Variants in SYNPO observed in about 807,000 individuals in gnomAD.
SYNPO encodes the protein synaptopodin.
SYNPO carries 19 observed loss-of-function variants against 49.5 expected under a neutral mutation model. The observed-to-expected ratio is 0.38, with a 90% CI of 0.27 to 0.56. The LOEUF (loss-of-function observed/expected upper bound fraction) is 0.56. Among genes scored for constraint, SYNPO ranks in the 20% least tolerant of loss-of-function variants. The probability of loss-of-function intolerance (pLI) is 0.68; values close to 1 mark genes in which losing one functional copy is unlikely to be tolerated. For missense variants in SYNPO, 1,131 were observed against 1,248.3 expected (o/e 0.91, Z 1.42); for synonymous variants, 536 against 548.0 (o/e 0.98, Z 0.31).
intron 1 of SYNPO, among the ~76,000 whole-genome samples, chr5:150,606,807 G>A (rs756541888): frequency 9.9e-5 from 15 of 152,280 alleles, no homozygotes; most frequent in Admixed American, 2.6e-4. Context: ...CAGTTAGGCT[G>A]AGCGCCCCTC....
chr5:150,616,338 C>T (rs1168923928), intron 1 of SYNPO, among the ~76,000 whole-genome samples: 1 of 152,214 alleles, frequency 6.6e-6, no homozygotes, highest in Non-Finnish European at 1.5e-5. Context: ...ATTCTCACTG[C>T]TCCCCATTTT....
rs1758569677 is a variant in SYNPO at position 150,656,691 on chromosome 5, G to T, written c.2316G>T (p.Pro772=). The change falls in exon 3 of 3, where the codon CCG becomes CCT. Residue 772 remains proline, a synonymous_variant. Transcript: ENST00000307662. The part of the protein sequence containing the change: ...INAARRKSAS[P]RSAGAENPRP... ...CGGCCCGGCGCAAGAGCGCCTCCCCGCGGTCGGCGGGCGCCGAGAACCCGC... is the reference window on the plus strand; with the variant it reads ...CGGCCCGGCGCAAGAGCGCCTCCCCTCGGTCGGCGGGCGCCGAGAACCCGC... 6.9e-7 allele frequency: 1 copy of T among 1,456,424 alleles called. No homozygotes were observed. Among genetic ancestry groups the T allele is most frequent in the African/African-American group, 1.5e-5 (1 of 68,156 alleles). 90.2% of individuals were successfully genotyped at this position (1,456,424 alleles called of 1,614,324 possible).
rs777459659 is a variant in SYNPO, at chr5:150,656,761, C to T, written c.2386C>T (p.Pro796Ser). ...GGCGCCACCGCCCCCGCCCCCGCCCCCGCCCCCGCCCCCGCGCATGCGCTC... is the reference window on the plus strand; with the variant it reads ...GGCGCCACCGCCCCCGCCCCCGCCCTCGCCCCCGCCCCCGCGCATGCGCTC... ...PRAPPPPPPP[P>S]PPPPRMRSPQ... The change falls in exon 3 of 3, where the codon CCG (proline) becomes TCG (serine). Residue 796 changes from proline to serine, a missense_variant. Coordinates refer to ENST00000307662, the MANE Select transcript of SYNPO (RefSeq NM_007286.6). The T allele has an allele frequency of 5.7e-6, 7 of 1,219,864 alleles. No homozygotes were observed. Among genetic ancestry groups the T allele is most frequent in the African/African-American group, 1.6e-5 (1 of 62,306 alleles). The allele number at this position is 1,219,864 out of a possible 1,614,324, so 75.6% of individuals were successfully genotyped here. A position where few individuals can be genotyped will look rare whatever the true frequency, so the allele number is the denominator to read the frequency against.
rs1266784844 is a variant in SYNPO at position 150,656,806 on chromosome 5, G to A, written c.2431G>A (p.Gly811Ser). 6 of 1,251,822 alleles carry A rather than the reference G, an allele frequency of 4.8e-6. No individual in the cohort carries two copies. The highest frequency in any genetic ancestry group is 4.4e-5 in the East Asian group (1 of 22,902). The allele number at this position is 1,251,822 out of a possible 1,614,324, so 77.5% of individuals were successfully genotyped here. A position where few individuals can be genotyped will look rare whatever the true frequency, so the allele number is the denominator to read the frequency against. Residue 811 changes from glycine to serine, a missense_variant, in exon 3 of 3, where the codon GGC (glycine) becomes AGC (serine). This residue lies in a region of SYNPO where 509 missense variants were observed against 484.5 expected (regional missense o/e 1.05). Transcript: ENST00000307662. The part of the protein sequence containing the change: ...RMRSPQPARP[G>S]SAAVPGAAFA... The stretch of plus-strand genomic sequence containing the variant: ...GCGCTCGCCACAGCCCGCCCGCCCC[G>A]GCTCGGCTGCTGTGCCGGGGGCAGC...
exon 2 of SYNPO, chr5:150,618,163 C>T: frequency 1.7e-6 from 1 of 584,980 alleles, no homozygotes; most frequent in South Asian, 3.1e-5. Context: ...AGGTCCACCA[C>T]TCCACTAGCC....
At chr5:150,618,317 G>C in exon 2 of SYNPO, 2 of 1,512,140 alleles carry the variant, frequency 1.3e-6, no homozygotes, top group African/African-American at 1.4e-5. Context: ...CCCAGGCCCT[G>C]GCCCAGGCCC....
chr5:150,654,815 T>C (rs934599556), intron 2 of SYNPO, among the ~76,000 whole-genome samples: 35 of 152,214 alleles, frequency 2.3e-4, no homozygotes, highest in African/African-American at 8.4e-4. Context: ...TGAGAGGGTC[T>C]TTCCCTAAGT....
At position 150,658,592 on chromosome 5, in the gene SYNPO, A is replaced by C. The variant is rs1431190337; in HGVS notation, c.*1505A>C. The C allele has an allele frequency of 2.0e-5, 3 of 152,464 alleles. No individual in the cohort carries two copies. Among genetic ancestry groups the C allele is most frequent in the South Asian group, 2.1e-4 (1 of 4,834 alleles). The allele number at this position is 152,464 out of a possible 1,614,324, so 9.4% of individuals were successfully genotyped here. A position where few individuals can be genotyped will look rare whatever the true frequency, so the allele number is the denominator to read the frequency against. The stretch of plus-strand genomic sequence containing the variant: ...GAGCCTTCTAGAGGTTCAGAATATT[A>C]GCTTCAGGATCAGCTGGGGGTATGG... On this transcript the variant is annotated 3_prime_UTR_variant, in exon 3 of 3. Transcript: ENST00000307662.
Position 150,656,944 on chromosome 5 carries a change from G to A in SYNPO, c.2569G>A (p.Asp857Asn), listed in dbSNP as rs545331337. The A allele has an allele frequency of 1.8e-5, 29 of 1,583,714 alleles. No individual in the cohort carries two copies. In the East Asian group the frequency reaches 6.0e-4, roughly 33 times the overall value. ...CTTCCTCTACCGCCGCTCGCCCACG[G>A]ACTCCGACGTGTCCCTCGACTCCGA... is the stretch of plus-strand genomic sequence containing the variant. ...RPFLYRRSPT[D>N]SDVSLDSEDS... The change falls in exon 3 of 3, where the codon GAC (aspartate) becomes AAC (asparagine). Residue 857 changes from aspartate to asparagine, a missense_variant. Asp to Asn is a conservative substitution (Grantham distance 23, BLOSUM62 1). Transcript: ENST00000307662.
chr5:150,612,227 G>T (rs75568574), intron 1 of SYNPO, among the ~76,000 whole-genome samples: 3,472 of 152,274 alleles, frequency 0.023, 128 homozygotes, highest in African/African-American at 0.079. Context: ...ACAGGAATCT[G>T]GTGGGCAGGT....
In SYNPO at chr5:150,656,434, C is replaced by G; in HGVS notation, c.2059C>G (p.Pro687Ala). Residue 687 changes from proline (P) to alanine (A), a missense_variant, in exon 3 of 3, where the codon CCC becomes GCC. Physicochemically the swap from Pro to Ala is conservative, Grantham distance 27. This residue lies in a region of SYNPO where 509 missense variants were observed against 484.5 expected (regional missense o/e 1.05). Coordinates refer to ENST00000307662, the MANE Select transcript of SYNPO (RefSeq NM_007286.6). ...DRRESLPTSP[P>A]WTPGASRPPS... ...CCGGGAGAGCCTGCCCACCTCCCCACCCTGGACGCCGGGCGCGTCCCGGCC... is the reference window on the plus strand; with the variant it reads ...CCGGGAGAGCCTGCCCACCTCCCCAGCCTGGACGCCGGGCGCGTCCCGGCC... The G allele has an allele frequency of 6.5e-7, 1 of 1,532,130 alleles. No homozygotes were observed. The highest frequency in any genetic ancestry group is 8.7e-7 in the Non-Finnish European group (1 of 1,145,362). The allele number at this position is 1,532,130 out of a possible 1,614,324, so 94.9% of individuals were successfully genotyped here.
the SYNPO span, among the ~76,000 whole-genome samples, chr5:150,595,852 AC>A: frequency 5.8e-5 from 2 of 34,276 alleles, no homozygotes; most frequent in Admixed American, 9.0e-4. Context: ...CATGCCCCCC[AC>A]CCCCCCAGCT....
At position 150,609,697 on chromosome 5, in the gene SYNPO, T is replaced by G. The variant is rs960676685; in HGVS notation, c.-265-8406T>G. 4.6e-5 allele frequency among the ~76,000 whole-genome samples: 7 copies of G among 151,682 alleles called. No homozygotes were observed. The East Asian group carries it at 1.4e-3, about 30-fold the overall frequency. On this transcript the variant is annotated intron_variant, in intron 1 of 2. Coordinates refer to the SYNPO transcript ENST00000394243. ...GATAAAAAGCAGTATGTTATCAGCA[T>G]AAGTTTACTATAGAAACCGAAATCA... is the stretch of plus-strand genomic sequence containing the variant.
upstream of SYNPO, among the ~76,000 whole-genome samples, chr5:150,639,741 G>C (rs967256927): frequency 1.3e-5 from 2 of 152,210 alleles, no homozygotes; most frequent in African/African-American, 4.8e-5. Context: ...CAAAATGTTG[G>C]CTCTTGTCAT....
chr5:150,640,056 G>A (rs1329026093), upstream of SYNPO: 1 of 838,430 alleles, frequency 1.2e-6, no homozygotes, highest in African/African-American at 1.8e-5. Flanking sequence ...TCTCTAATAT[G>A]GAGATGAGGA....
chr5:150,635,908 C>T (rs1181179337), upstream of SYNPO, among the ~76,000 whole-genome samples: 1 of 152,232 alleles, frequency 6.6e-6, no homozygotes, highest in Non-Finnish European at 1.5e-5. Context: ...CACTCTCTCA[C>T]CTTTTTCCGT....
intron 2 of SYNPO, 37 bp downstream of exon 2, chr5:150,650,340 C>T (rs1196418366): frequency 6.2e-7 from 1 of 1,613,216 alleles, no homozygotes; most frequent in Non-Finnish European, 8.5e-7. Flanking sequence ...GTAACGAACC[C>T]CACGGGGGTC....
At chr5:150,623,698 C>G (rs896916396) in intron 2 of SYNPO, among the ~76,000 whole-genome samples, 7 of 152,244 alleles carry the variant, frequency 4.6e-5, no homozygotes, top group Non-Finnish European at 1.0e-4. Flanking sequence ...CCCAGGCCAC[C>G]TGCAGGTCTG....
chr5:150,640,961 G>A (rs563954366), intron 1 of SYNPO, 107 bp downstream of exon 1: 159 of 587,990 alleles, frequency 2.7e-4, no homozygotes, highest in Non-Finnish European at 3.1e-4. Flanking sequence ...CATCAAGGGA[G>A]AGGTATGTGG....
Sources: allele counts gnomAD v4.1 joint callset (sites outside exome capture counted in the v4.1 genomes callset), GRCh38; gene constraint gnomAD v4.1.1; regional missense constraint gnomAD v4.1.1; transcripts MANE v1.5; gene names NCBI Gene and HGNC (gene_info 2026-07-23, HGNC 2026-07-21).